The following CLDN25 variants were observed in gnomAD, a reference collection of about 807,000 sequenced individuals.
CLDN25 encodes claudin-25.
For missense variants in CLDN25, 286 were observed against 279.7 expected, an observed-to-expected ratio of 1.02 and a Z score of -0.16; for synonymous variants, 117 against 112.7, an observed-to-expected ratio of 1.04 and a Z score of -0.24.
chr11:113,780,065 G>A, exon 1 of CLDN25: 1 of 1,614,052 alleles, frequency 6.2e-7, no homozygotes, highest in East Asian at 2.2e-5. Context: ...CCCATGGGCT[G>A]GGCCTATTGG....
Position 113,780,184 on chromosome 11 carries a change from C to G in CLDN25, c.389C>G (p.Ser130Ter), listed in dbSNP as rs538673377. ...GGAAGGACTTTGGAGGCATCCGCTT[C>G]AGCCACTACCCTCCTTCCAGTCTCC... Residue 130 changes from serine (S) to a stop codon, truncating the protein, a stop_gained, in exon 1 of 1, where the codon TCA (serine) becomes TGA (stop). Transcript: ENST00000453129. LOFTEE classifies it low-confidence loss of function (END_TRUNC). The G allele has an allele frequency of 3.7e-6, 6 of 1,613,864 alleles. No homozygotes were observed. In the African/African-American group the frequency reaches 8.0e-5, roughly 22 times the overall value.
At position 113,780,274 on chromosome 11, in the gene CLDN25, G is replaced by A. The variant is rs200964173; in HGVS notation, c.479G>A (p.Trp160Ter). 2.0e-5 allele frequency: 32 copies of A among 1,613,770 alleles called. No homozygotes were observed. In the African/African-American group the frequency reaches 3.5e-4, roughly 18 times the overall value. ...AGCATCCCTGACATCATACCTCGGT[G>A]GGAGTTTGGAGGTGCCCTCTACTTG... Residue 160 changes from tryptophan (W) to a stop codon, truncating the protein, a stop_gained, in exon 1 of 1, where the codon TGG becomes TAG. Coordinates refer to ENST00000453129, the Ensembl canonical transcript of CLDN25. LOFTEE classifies it low-confidence loss of function (END_TRUNC).
chr11:113,779,964 C>T lies in CLDN25; in HGVS notation c.169C>T (p.Arg57Ter), dbSNP rs754824119. 3.7e-5 allele frequency: 60 copies of T among 1,613,572 alleles called. No homozygotes were observed. Among genetic ancestry groups the T allele is most frequent in the Non-Finnish European group, 4.4e-5 (52 of 1,179,878 alleles). Residue 57 changes from arginine (R) to a stop codon, truncating the protein, a stop_gained, in exon 1 of 1, where the codon CGA becomes TGA. Coordinates refer to ENST00000453129, the Ensembl canonical transcript of CLDN25. LOFTEE classifies it low-confidence loss of function (END_TRUNC). Reference sequence around the variant, plus strand: ...GGGGATTTGGGAGGTCTGCGTGGATCGAGAGGAAGTCGCCACTGTGTGCAA... The same window carrying T: ...GGGGATTTGGGAGGTCTGCGTGGATTGAGAGGAAGTCGCCACTGTGTGCAA...
chr11:113,780,249 A>C, exon 1 of CLDN25: 1 of 1,613,738 alleles, frequency 6.2e-7, no homozygotes, highest in South Asian at 1.1e-5. Context: ...CTGGGATGAC[A>C]GCATCCCTGA....
exon 1 of CLDN25, chr11:113,780,015 C>T (rs1273593983): frequency 6.2e-7 from 1 of 1,613,998 alleles, no homozygotes; most frequent in Admixed American, 1.7e-5. Flanking sequence ...CTTGTCTCTG[C>T]CCCAGGAGCT....
exon 1 of CLDN25, chr11:113,779,984 G>C: frequency 6.2e-7 from 1 of 1,614,028 alleles, no homozygotes; most frequent in Non-Finnish European, 8.5e-7. Flanking sequence ...TCGCCACTGT[G>C]TGCAAGGCCT....
At chr11:113,780,456 A>G (rs762784616) in exon 1 of CLDN25, 3 of 1,613,040 alleles carry the variant, frequency 1.9e-6, no homozygotes, top group Non-Finnish European at 2.5e-6. Context: ...CTTCCACCTC[A>G]TGCTAAGACC....
At chr11:113,779,952 G>T in exon 1 of CLDN25, 2 of 1,614,022 alleles carry the variant, frequency 1.2e-6, no homozygotes, top group Non-Finnish European at 1.7e-6. Flanking sequence ...GATTTGGGAG[G>T]TCTGCGTGGA....
exon 1 of CLDN25, chr11:113,780,126 A>C (rs751099592): frequency 6.2e-7 from 1 of 1,614,050 alleles, no homozygotes; most frequent in South Asian, 1.1e-5. Context: ...TCACAGGATC[A>C]GATGGGTATT....
At chr11:113,779,992 C>G in exon 1 of CLDN25, 1 of 1,613,942 alleles carries the variant, frequency 6.2e-7, no homozygotes, top group African/African-American at 1.3e-5. Flanking sequence ...GTGTGCAAGG[C>G]CTTTGAATCC....
At position 113,780,159 on chromosome 11, in the gene CLDN25, G is replaced by A. The variant is rs1334266009; in HGVS notation, c.364G>A (p.Gly122Arg). The A allele has an allele frequency of 5.0e-6, 8 of 1,613,864 alleles. No homozygotes were observed. The highest frequency in any genetic ancestry group is 6.8e-6 in the Non-Finnish European group (8 of 1,179,884). Residue 122 changes from glycine to arginine, a missense_variant, in exon 1 of 1, where the codon GGA (glycine) becomes AGA (arginine). Coordinates refer to ENST00000453129, the Ensembl canonical transcript of CLDN25. ...ATTCAAGAGGCGGCTTGGTCTCCTG[G>A]GAAGGACTTTGGAGGCATCCGCTTC...
exon 1 of CLDN25, chr11:113,780,138 A>G: frequency 1.2e-6 from 2 of 1,614,018 alleles, no homozygotes; most frequent in Non-Finnish European, 1.7e-6. Flanking sequence ...ATGGGTATTC[A>G]AGAGGCGGCT....
At chr11:113,780,333 G>T in exon 1 of CLDN25, 1 of 1,613,752 alleles carries the variant, frequency 6.2e-7, no homozygotes, top group Non-Finnish European at 8.5e-7. Context: ...GGCTCTTGGT[G>T]GGCTACTCCT....
At chr11:113,780,355 C>G in exon 1 of CLDN25, 1 of 1,613,898 alleles carries the variant, frequency 6.2e-7, no homozygotes, top group Non-Finnish European at 8.5e-7. Context: ...ATCTTCTCGG[C>G]CTGCCTGGGA....
chr11:113,779,797 T>C (rs1200330516), exon 1 of CLDN25: 4 of 1,607,144 alleles, frequency 2.5e-6, no homozygotes, highest in African/African-American at 1.3e-5. Context: ...GGAGTGACTA[T>C]GGCCTGGAGT....
chr11:113,780,375 G>T (rs781740262), exon 1 of CLDN25: 16 of 1,613,788 alleles, frequency 9.9e-6, no homozygotes, highest in Non-Finnish European at 1.4e-5. Flanking sequence ...AAAAGAAGAT[G>T]TGCCTTTTCC....
exon 1 of CLDN25, chr11:113,779,886 C>T: frequency 6.2e-7 from 1 of 1,613,994 alleles, no homozygotes; most frequent in Non-Finnish European, 8.5e-7. Flanking sequence ...CACCATCCTG[C>T]CCCAGTGGAA....
At position 113,780,005 on chromosome 11, in the gene CLDN25, CTT is replaced by C; in HGVS notation, c.211_212del (p.Leu71ValfsTer32). On this transcript the variant is annotated frameshift_variant, in exon 1 of 1. Coordinates refer to ENST00000453129, the Ensembl canonical transcript of CLDN25. LOFTEE classifies it low-confidence loss of function (END_TRUNC). ...CTGTGTGCAAGGCCTTTGAATCCTT[CTT>C]GTCTCTGCCCCAGGAGCTCCAGGTA... 2 of 1,614,010 alleles carry C rather than the reference CTT, an allele frequency of 1.2e-6. No individual in the cohort carries two copies. Among genetic ancestry groups the C allele is most frequent in the Non-Finnish European group, 1.7e-6 (2 of 1,179,890 alleles).
chr11:113,780,310 C>T (rs1400325731), exon 1 of CLDN25: 26 of 1,613,868 alleles, frequency 1.6e-5, no homozygotes, highest in Non-Finnish European at 2.2e-5. Context: ...GGCTGGGCTG[C>T]TGGTATTTTC....
Sources: allele counts gnomAD v4.1 joint callset, GRCh38; gene constraint gnomAD v4.1.1; transcripts MANE v1.5; gene names NCBI Gene and HGNC (gene_info 2026-07-23, HGNC 2026-07-21).